The following CALN1 variants were observed in gnomAD, a reference collection of about 807,000 sequenced individuals.
CALN1 encodes the protein calneuron 1.
CALN1 carries 17 observed loss-of-function variants against 30.6 expected under a neutral mutation model. The observed-to-expected ratio is 0.56, with a 90% CI of 0.38 to 0.83. The LOEUF is 0.83. Among genes scored for constraint, CALN1 ranks in the 40% least tolerant of loss-of-function variants. The pLI, the probability that CALN1 is intolerant of heterozygous loss-of-function variation, is 0.00. For synonymous variants in CALN1, 156 were observed against 131.4 expected (o/e 1.19, Z -1.28); for missense variants, 291 against 354.9 (o/e 0.82, Z 1.45).
intron 3 of CALN1, among the ~76,000 whole-genome samples, chr7:72,261,620 A>ATCT (rs1796279531): frequency 1.3e-5 from 2 of 152,160 alleles, no homozygotes; most frequent in South Asian, 4.2e-4. Flanking sequence ...TAGAGATGGG[A>ATCT]TCTTCCTATG....
chr7:71,992,096 C>T (rs1798984397), intron 5 of CALN1, among the ~76,000 whole-genome samples: 2 of 152,310 alleles, frequency 1.3e-5, no homozygotes, highest in South Asian at 4.1e-4. Context: ...CTTCTCTGTT[C>T]ACTGTTTATC....
At chr7:71,944,594 C>CA (rs10677940) in intron 5 of CALN1, among the ~76,000 whole-genome samples, 17,619 of 59,858 alleles carry the variant, frequency 0.29, 1,490 homozygotes, top group South Asian at 0.37. Context: ...AACTCCATCC[C>CA]AAAAAAAAAA....
chr7:72,491,622 G>A, the CALN1 span, among the ~76,000 whole-genome samples: 1 of 152,138 alleles, frequency 6.6e-6, no homozygotes, highest in Non-Finnish European at 1.5e-5. Flanking sequence ...TTTCTTTCAC[G>A]TTCATTCCAT....
At chr7:71,959,862 A>G (rs1797148596) in intron 5 of CALN1, among the ~76,000 whole-genome samples, 1 of 152,104 alleles carries the variant, frequency 6.6e-6, no homozygotes, top group African/African-American at 2.4e-5. Context: ...GGCCGGGCAC[A>G]GTGGCTCAGG....
At chr7:71,971,689 G>C (rs573500579) in intron 5 of CALN1, among the ~76,000 whole-genome samples, 20 of 151,664 alleles carry the variant, frequency 1.3e-4, no homozygotes, top group Admixed American at 1.1e-3. Context: ...CTTGAGCCTG[G>C]GACTTTGAGA....
chr7:71,869,797 C>T (rs1201859096), intron 5 of CALN1, among the ~76,000 whole-genome samples: 3 of 152,228 alleles, frequency 2.0e-5, no homozygotes, highest in Admixed American at 1.3e-4. Context: ...ACAATGGAAT[C>T]GTGTAATACA....
At chr7:72,132,236 C>G (rs1342412943) in intron 3 of CALN1, among the ~76,000 whole-genome samples, 1 of 152,134 alleles carries the variant, frequency 6.6e-6, no homozygotes, top group East Asian at 1.9e-4. Flanking sequence ...CTTAGTCTAG[C>G]CTCTCTTAAA....
At chr7:72,180,519 G>A (rs944025947) in intron 3 of CALN1, among the ~76,000 whole-genome samples, 1 of 147,466 alleles carries the variant, frequency 6.8e-6, no homozygotes, top group African/African-American at 2.5e-5. Context: ...CATACAGAAG[G>A]TGTCCTTTTT....
intron 2 of CALN1, among the ~76,000 whole-genome samples, chr7:72,389,511 G>T (rs1044008352): frequency 3.3e-5 from 5 of 152,198 alleles, no homozygotes; most frequent in Admixed American, 2.6e-4. Flanking sequence ...AATTTTGCAA[G>T]CTTTCACTGC....
chr7:72,133,752 C>T (rs1809320309), intron 3 of CALN1, among the ~76,000 whole-genome samples: 1 of 152,146 alleles, frequency 6.6e-6, no homozygotes, highest in Non-Finnish European at 1.5e-5. Context: ...TACATATCAC[C>T]TGATTAGGTT....
chr7:72,172,256 G>A (rs1188995740), intron 3 of CALN1, among the ~76,000 whole-genome samples: 3 of 152,212 alleles, frequency 2.0e-5, no homozygotes, highest in African/African-American at 7.2e-5. Flanking sequence ...GAGTAAAAAT[G>A]AAGTCATCCT....
chr7:72,497,780 C>T, the CALN1 span, among the ~76,000 whole-genome samples: 2 of 151,870 alleles, frequency 1.3e-5, no homozygotes, highest in African/African-American at 2.4e-5. Flanking sequence ...TTACCAGACA[C>T]GTGAAGAAGT....
chr7:72,300,995 A>C (rs1212868385), intron 2 of CALN1, among the ~76,000 whole-genome samples: 1 of 152,054 alleles, frequency 6.6e-6, no homozygotes, highest in Non-Finnish European at 1.5e-5. Context: ...CTCTGTCTCA[A>C]ATAAATAAAT....
chr7:72,205,552 A>AATATATACATATATATG (rs56708580), intron 3 of CALN1, among the ~76,000 whole-genome samples: 1 of 64,812 alleles, frequency 1.5e-5, no homozygotes, highest in Non-Finnish European at 2.6e-5. Context: ...CAAAAAAAAA[A>AATATATACATATATATG]TATATATATA....
At chr7:71,899,204 C>T (rs1411230569) in intron 5 of CALN1, among the ~76,000 whole-genome samples, 4 of 147,058 alleles carry the variant, frequency 2.7e-5, no homozygotes, top group South Asian at 4.3e-4. Context: ...AGTGTAATGG[C>T]GCGATCTCGG....
At chr7:72,314,652 TG>T (rs900578999) in intron 2 of CALN1, among the ~76,000 whole-genome samples, 60 of 151,668 alleles carry the variant, frequency 4.0e-4, no homozygotes, top group African/African-American at 1.4e-3. Flanking sequence ...TGACCTCCGG[TG>T]ATCTGCCCGC....
At chr7:72,074,667 C>T (rs551898958) in intron 4 of CALN1, among the ~76,000 whole-genome samples, 2 of 152,318 alleles carry the variant, frequency 1.3e-5, no homozygotes. Flanking sequence ...CTTGGCCTCC[C>T]AAAGTGTTGG....
intron 5 of CALN1, among the ~76,000 whole-genome samples, chr7:71,982,866 T>C (rs562407916): frequency 6.6e-6 from 1 of 152,294 alleles, no homozygotes; most frequent in East Asian, 1.9e-4. Flanking sequence ...CCGGCAGTTG[T>C]ACCAGTAGGA....
intron 3 of CALN1, among the ~76,000 whole-genome samples, chr7:72,268,416 G>A (rs1361701807): frequency 6.6e-6 from 1 of 152,218 alleles, no homozygotes; most frequent in Non-Finnish European, 1.5e-5. Context: ...GTAGGCTGTA[G>A]AGAGCTATTT....
Sources: allele counts gnomAD v4.1 joint callset (sites outside exome capture counted in the v4.1 genomes callset), GRCh38; gene constraint gnomAD v4.1.1; transcripts MANE v1.5; gene names NCBI Gene and HGNC (gene_info 2026-07-23, HGNC 2026-07-21).